GRID2: variants seen among roughly 807,000 people sequenced by gnomAD.
GRID2 encodes the protein glutamate receptor ionotropic, delta-2.
In GRID2, 33 loss-of-function variants were observed where a neutral mutation model predicts 114.8. The observed-to-expected ratio is 0.29, with a 90% CI of 0.22 to 0.38. The LOEUF is 0.38. GRID2 is among the 10% of genes least tolerant of loss of function. The pLI is 1.00. For synonymous variants in GRID2, 505 were observed against 449.9 expected, an observed-to-expected ratio of 1.12 and a Z score of -1.55; for missense variants, 1,184 against 1,257.7, an observed-to-expected ratio of 0.94 and a Z score of 0.89.
At chr4:92,782,024 T>C (rs1026733892) in intron 2 of GRID2, among the ~76,000 whole-genome samples, 1 of 152,062 alleles carries the variant, frequency 6.6e-6, no homozygotes, top group Non-Finnish European at 1.5e-5. Context: ...ATCTGGATTT[T>C]AATGGAGGCT....
intron 13 of GRID2, among the ~76,000 whole-genome samples, chr4:93,563,808 C>T (rs1735143671): frequency 6.6e-6 from 1 of 151,842 alleles, no homozygotes; most frequent in South Asian, 2.1e-4. Flanking sequence ...TTGTTGGATT[C>T]TATGAATACA....
intron 2 of GRID2, among the ~76,000 whole-genome samples, chr4:92,790,725 A>T (rs1352310057): frequency 2.7e-5 from 3 of 109,300 alleles, no homozygotes; most frequent in African/African-American, 1.2e-4. Flanking sequence ...GCTTTTTAAG[A>T]AAAAAAAAAA....
At chr4:93,153,638 C>T (rs1184408184) in intron 4 of GRID2, among the ~76,000 whole-genome samples, 1 of 151,972 alleles carries the variant, frequency 6.6e-6, no homozygotes, top group African/African-American at 2.4e-5. Flanking sequence ...TTCAACAGAT[C>T]CAGTGGTCAT....
At chr4:92,945,479 T>C (rs1317024757) in intron 2 of GRID2, among the ~76,000 whole-genome samples, 1 of 152,162 alleles carries the variant, frequency 6.6e-6, no homozygotes, top group Admixed American at 6.6e-5. Context: ...TACAACATAC[T>C]ATTCATTGAG....
intron 2 of GRID2, among the ~76,000 whole-genome samples, chr4:93,027,162 G>T (rs187620527): frequency 6.6e-6 from 1 of 151,870 alleles, no homozygotes; most frequent in Non-Finnish European, 1.5e-5. Context: ...TTTGGTAGTG[G>T]TGATTTATTT....
chr4:92,630,909 T>G (rs573124515), intron 2 of GRID2, among the ~76,000 whole-genome samples: 1 of 151,980 alleles, frequency 6.6e-6, no homozygotes, highest in Non-Finnish European at 1.5e-5. Context: ...TGCATTGAAA[T>G]TGTGAACTAA....
intron 13 of GRID2, among the ~76,000 whole-genome samples, chr4:93,556,233 G>T (rs1329868328): frequency 6.6e-6 from 1 of 152,072 alleles, no homozygotes; most frequent in Non-Finnish European, 1.5e-5. Context: ...TCGCCAGCAA[G>T]GGAACAAAAC....
chr4:93,349,920 G>A (rs960345596), intron 8 of GRID2, among the ~76,000 whole-genome samples: 17 of 152,136 alleles, frequency 1.1e-4, no homozygotes, highest in African/African-American at 3.6e-4. Flanking sequence ...TGTGGGATGG[G>A]GGTATAAAAT....
chr4:93,081,991 C>T (rs946594128), intron 2 of GRID2, among the ~76,000 whole-genome samples: 9 of 152,306 alleles, frequency 5.9e-5, no homozygotes, highest in African/African-American at 2.2e-4. Context: ...TAACCTTCAT[C>T]TAGGGCCCTG....
chr4:93,326,620 GA>G (rs1757863491), intron 8 of GRID2, among the ~76,000 whole-genome samples: 1 of 151,070 alleles, frequency 6.6e-6, no homozygotes. Context: ...TCTTCTATGT[GA>G]AGGCAAGATA....
intron 2 of GRID2, among the ~76,000 whole-genome samples, chr4:93,025,815 T>C (rs1280808455): frequency 6.6e-6 from 1 of 151,722 alleles, no homozygotes; most frequent in African/African-American, 2.4e-5. Context: ...TGAACCATGA[T>C]AGATTTATCA....
chr4:93,449,618 C>A (rs1017413760), intron 10 of GRID2, among the ~76,000 whole-genome samples: 1 of 151,836 alleles, frequency 6.6e-6, no homozygotes, highest in African/African-American at 2.4e-5. Flanking sequence ...CACTTTAAAC[C>A]CTATAGACAA....
At chr4:92,518,951 T>C (rs1287761934) in intron 1 of GRID2, among the ~76,000 whole-genome samples, 1 of 151,842 alleles carries the variant, frequency 6.6e-6, no homozygotes, top group East Asian at 1.9e-4. Flanking sequence ...TTTACTTTAA[T>C]CCATATGAAA....
intron 1 of GRID2, among the ~76,000 whole-genome samples, chr4:92,348,914 A>G (rs1397084451): frequency 1.3e-5 from 2 of 152,158 alleles, no homozygotes; most frequent in African/African-American, 4.8e-5. Flanking sequence ...ATTAATTAGT[A>G]CCTTTGTTGG....
chr4:92,399,174 C>T (rs914322821), intron 1 of GRID2, among the ~76,000 whole-genome samples: 2 of 152,112 alleles, frequency 1.3e-5, no homozygotes, highest in African/African-American at 4.8e-5. Flanking sequence ...TGTGAATGAG[C>T]TCAGGTTTCT....
Position 92,619,622 on chromosome 4 carries a change from C to T in GRID2, c.244+29336C>T, listed in dbSNP as rs1461205513. ...ATCAAATCAGCTCCCCTCCCAACCC[C>T]GGCATGGAAGCTGTTGGTTTTTATG... On this transcript the variant is annotated intron_variant, in intron 2 of 15. Coordinates refer to ENST00000282020, the MANE Select transcript of GRID2 (RefSeq NM_001510.4). Among the ~76,000 whole-genome samples, 6 of 151,644 alleles carry T rather than the reference C, an allele frequency of 4.0e-5. No individual in the cohort carries two copies. In the East Asian group the frequency reaches 7.8e-4, roughly 20 times the overall value.
At chr4:93,722,208 G>A (rs1166693617) in intron 14 of GRID2, among the ~76,000 whole-genome samples, 1 of 151,920 alleles carries the variant, frequency 6.6e-6, no homozygotes, top group African/African-American at 2.4e-5. Flanking sequence ...GAGCCACCAC[G>A]CCCGGCCAAT....
chr4:92,800,256 A>G (rs1740088317), intron 2 of GRID2, among the ~76,000 whole-genome samples: 2 of 151,928 alleles, frequency 1.3e-5, no homozygotes, highest in Non-Finnish European at 2.9e-5. Flanking sequence ...GGCATAGCAA[A>G]GGAAATGTCA....
In GRID2 at chr4:92,553,929, C is replaced by T. The variant is rs187339569; in HGVS notation, c.89-36202C>T. On this transcript the variant is annotated intron_variant, in intron 1 of 15. Transcript: ENST00000282020. ...CCTCCCAAAGTGCTGGGATTACAGG[C>T]GTGAGCCACCGTGCCCAGCCTATCA... 5.7e-3 allele frequency among the ~76,000 whole-genome samples: 866 copies of T among 152,286 alleles called. 6 individuals carry two copies. Among genetic ancestry groups the T allele is most frequent in the African/African-American group, 0.02 (819 of 41,564 alleles).
Sources: gnomAD v4.1 joint callset for allele counts (sites outside exome capture counted in the v4.1 genomes callset) on GRCh38, gnomAD v4.1.1 for gene constraint, MANE v1.5 for transcripts, NCBI Gene and HGNC (gene_info 2026-07-23, HGNC 2026-07-21) for gene names.